The following PDE10A variants were observed in gnomAD, a reference collection of about 807,000 sequenced individuals.
PDE10A encodes the protein phosphodiesterase 10A, also known as cAMP and cAMP-inhibited cGMP 3',5'-cyclic phosphodiesterase 10A.
PDE10A carries 39 observed loss-of-function variants against 97.7 expected under a neutral mutation model. The ratio of observed to expected loss-of-function variants is 0.40; its 90% CI spans 0.31 to 0.52. The LOEUF (loss-of-function observed/expected upper bound fraction) is 0.52, where lower values mean the gene tolerates loss of function less well. Ranked by LOEUF, PDE10A falls within the 20% of genes least tolerant of loss-of-function variation. The pLI, the probability that PDE10A is intolerant of heterozygous loss-of-function variation, is 0.56. For synonymous variants in PDE10A, 371 were observed against 376.8 expected (o/e 0.98, Z 0.18); for missense variants, 731 against 1,047.8 (o/e 0.70, Z 4.17).
intron 2 of PDE10A, among the ~76,000 whole-genome samples, chr6:165,513,753 T>TA (rs1395821281): frequency 6.6e-6 from 1 of 152,164 alleles, no homozygotes; most frequent in East Asian, 1.9e-4. Context: ...CTAAATGTCT[T>TA]AAGTATTTTA....
chr6:165,653,137 C>A (rs557223865), intron 1 of PDE10A, among the ~76,000 whole-genome samples: 3 of 152,316 alleles, frequency 2.0e-5, no homozygotes, highest in South Asian at 2.1e-4. Flanking sequence ...TTCATTATTT[C>A]TTTCCCTTTA....
At chr6:165,975,776 T>C (rs1784827881) in intron 1 of PDE10A, among the ~76,000 whole-genome samples, 3 of 152,198 alleles carry the variant, frequency 2.0e-5, no homozygotes, top group Admixed American at 2.0e-4. Flanking sequence ...ATGTCTAGAA[T>C]AGAATGGAAT....
At chr6:165,654,360 C>T (rs1789831816) in intron 1 of PDE10A, among the ~76,000 whole-genome samples, 1 of 152,088 alleles carries the variant, frequency 6.6e-6, no homozygotes, top group Non-Finnish European at 1.5e-5. Flanking sequence ...CCCACCCCTG[C>T]TTCCCCAGGC....
chr6:165,941,901 T>C (rs530035635), intron 1 of PDE10A, among the ~76,000 whole-genome samples: 1 of 152,290 alleles, frequency 6.6e-6, no homozygotes, highest in Non-Finnish European at 1.5e-5. Context: ...CCATTTCACC[T>C]TTCTTTAAGA....
intron 1 of PDE10A, among the ~76,000 whole-genome samples, chr6:165,914,025 T>C (rs1344307924): frequency 2.6e-5 from 4 of 152,246 alleles, no homozygotes; most frequent in African/African-American, 9.6e-5. Context: ...ATATCTTAAG[T>C]GTCACCAATT....
chr6:165,899,677 C>T (rs989901658), intron 1 of PDE10A, among the ~76,000 whole-genome samples: 2 of 152,210 alleles, frequency 1.3e-5, no homozygotes, highest in Non-Finnish European at 2.9e-5. Flanking sequence ...AAGGGTGGTA[C>T]CTGGGGCCTT....
chr6:165,469,270 A>G (rs1277633110), intron 3 of PDE10A, among the ~76,000 whole-genome samples: 1 of 152,164 alleles, frequency 6.6e-6, no homozygotes, highest in Non-Finnish European at 1.5e-5. Flanking sequence ...TGTCTTTAGC[A>G]AGCATTTCCT....
chr6:165,868,738 A>G (rs868603365), intron 1 of PDE10A, among the ~76,000 whole-genome samples: 41 of 152,132 alleles, frequency 2.7e-4, no homozygotes, highest in African/African-American at 8.2e-4. Context: ...ACAGGCTAGT[A>G]TCCTTGATGA....
intron 13 of PDE10A, among the ~76,000 whole-genome samples, chr6:165,403,519 T>G (rs1169637186): frequency 6.6e-6 from 1 of 152,218 alleles, no homozygotes; most frequent in Admixed American, 6.5e-5. Flanking sequence ...AGTTTGACTT[T>G]GGGAACACTT....
chr6:165,776,077 T>A (rs1778172377), intron 1 of PDE10A, among the ~76,000 whole-genome samples: 1 of 152,238 alleles, frequency 6.6e-6, no homozygotes, highest in Non-Finnish European at 1.5e-5. Flanking sequence ...TTTTATTTAT[T>A]ATTTTCAAAC....
intron 1 of PDE10A, among the ~76,000 whole-genome samples, chr6:165,962,259 G>T (rs1299052839): frequency 6.6e-6 from 1 of 152,202 alleles, no homozygotes; most frequent in Non-Finnish European, 1.5e-5. Flanking sequence ...GACCTCAGGG[G>T]CCCCACTACA....
intron 2 of PDE10A, among the ~76,000 whole-genome samples, chr6:165,501,955 T>C (rs1018705149): frequency 3.9e-5 from 6 of 152,150 alleles, no homozygotes; most frequent in Admixed American, 3.9e-4. Context: ...GACATGTAAA[T>C]CAACGAACCA....
chr6:165,921,869 T>C (rs545299051), intron 1 of PDE10A, among the ~76,000 whole-genome samples: 1 of 152,224 alleles, frequency 6.6e-6, no homozygotes, highest in East Asian at 1.9e-4. Flanking sequence ...ACTGATGAGC[T>C]CTGAGCTGAG....
chr6:165,509,334 C>T (rs771828057), intron 2 of PDE10A, among the ~76,000 whole-genome samples: 5 of 151,942 alleles, frequency 3.3e-5, no homozygotes, highest in Non-Finnish European at 5.9e-5. Context: ...TTATTGAAGA[C>T]GGTTGTCCTT....
intron 1 of PDE10A, among the ~76,000 whole-genome samples, chr6:165,581,879 AAGTCTAACAATGGGGTT>A (rs1785635773): frequency 6.6e-6 from 1 of 152,214 alleles, no homozygotes; most frequent in African/African-American, 2.4e-5. Context: ...TTTGGACTAG[AAGTCTAACAATGGGGTT>A]TCTAGTTTTG....
At chr6:165,903,308 T>C (rs1046730455) in intron 1 of PDE10A, among the ~76,000 whole-genome samples, 2 of 152,228 alleles carry the variant, frequency 1.3e-5, no homozygotes, top group Non-Finnish European at 2.9e-5. Flanking sequence ...CAGTGGAACA[T>C]GGAGGAAGGC....
chr6:165,833,694 C>T (rs913290968), intron 1 of PDE10A, among the ~76,000 whole-genome samples: 2 of 152,224 alleles, frequency 1.3e-5, no homozygotes, highest in Admixed American at 6.5e-5. Context: ...CAATTCTTCT[C>T]GAGATGTTCT....
At chr6:165,913,557 T>C (rs780701337) in intron 1 of PDE10A, among the ~76,000 whole-genome samples, 2 of 152,222 alleles carry the variant, frequency 1.3e-5, no homozygotes, top group Non-Finnish European at 2.9e-5. Context: ...TTATTATTAT[T>C]ATTTTAAATA....
intron 3 of PDE10A, among the ~76,000 whole-genome samples, chr6:165,470,565 A>G (rs1009438008): frequency 6.6e-6 from 1 of 152,226 alleles, no homozygotes; most frequent in African/African-American, 2.4e-5. Flanking sequence ...TTTTCTACTC[A>G]TTCATAGAAA....
Sources: gnomAD v4.1 joint callset for allele counts (sites outside exome capture counted in the v4.1 genomes callset) on GRCh38, gnomAD v4.1.1 for gene constraint, MANE v1.5 for transcripts, NCBI Gene and HGNC (gene_info 2026-07-23, HGNC 2026-07-21) for gene names.